The following PLBD1 variants were observed in gnomAD, a reference collection of about 807,000 sequenced individuals.
The protein encoded by PLBD1 is phospholipase B domain containing 1.
PLBD1 carries 60 observed loss-of-function variants against 63.0 expected under a neutral mutation model. That is an observed-to-expected ratio of 0.95 (90% CI 0.77 to 1.18). The LOEUF is 1.18. Among genes scored for constraint, PLBD1 ranks in the 50% most tolerant of loss-of-function variants. The pLI, the probability that PLBD1 is intolerant of heterozygous loss-of-function variation, is 0.00. For synonymous variants in PLBD1, 262 were observed against 248.0 expected (o/e 1.06, Z -0.53); for missense variants, 598 against 677.9 (o/e 0.88, Z 1.31).
chr12:14,545,185 C>G (rs1051132582), intron 2 of PLBD1, among the ~76,000 whole-genome samples: 2 of 152,198 alleles, frequency 1.3e-5, no homozygotes, highest in African/African-American at 4.8e-5. Flanking sequence ...ACTGCCTCCC[C>G]ACCCCACACC....
intron 1 of PLBD1, 47 bp downstream of exon 1, chr12:14,567,535 C>G: frequency 6.9e-7 from 1 of 1,456,706 alleles, no homozygotes; most frequent in Non-Finnish European, 9.0e-7. Context: ...TAACAGGCTC[C>G]TAGGAGCCTC....
chr12:14,507,679 G>A (rs374970588), intron 8 of PLBD1, among the ~76,000 whole-genome samples: 17 of 152,268 alleles, frequency 1.1e-4, no homozygotes, highest in African/African-American at 4.1e-4. Flanking sequence ...CGTCAATGGG[G>A]AGGGAGAGGA....
In PLBD1 at chr12:14,507,130, T is replaced by A. The variant is rs1363169959; in HGVS notation, c.1187-12A>T. 3 of 1,578,860 alleles carry A rather than the reference T, an allele frequency of 1.9e-6. No homozygotes were observed. Among genetic ancestry groups the A allele is most frequent in the East Asian group, 4.5e-5 (2 of 44,284 alleles). On this transcript the variant is annotated splice_polypyrimidine_tract_variant and intron_variant, in intron 8 of 10. Transcript: ENST00000240617. ...GGAGGGCCAATATCCTGATTTGGAA[T>A]GGAAGGGAAGTAAGGGAGGGATTGA...
intron 4 of PLBD1, among the ~76,000 whole-genome samples, chr12:14,539,410 A>C (rs1004065990): frequency 6.6e-6 from 1 of 151,606 alleles, no homozygotes; most frequent in African/African-American, 2.4e-5. Flanking sequence ...TTTATCATCT[A>C]TATATAATAT....
At chr12:14,535,829 C>T in intron 5 of PLBD1, 26 bp from the exon 6 acceptor site, 1 of 1,608,622 alleles carries the variant, frequency 6.2e-7, no homozygotes, top group Non-Finnish European at 8.5e-7. Flanking sequence ...TAGTGGATTA[C>T]ACAGATGTAC....
At chr12:14,567,063 C>CG (rs1945793909) in intron 1 of PLBD1, among the ~76,000 whole-genome samples, 1 of 152,124 alleles carries the variant, frequency 6.6e-6, no homozygotes, top group Admixed American at 6.5e-5. Flanking sequence ...CCATTGCACT[C>CG]CAGCGTCGCC....
intron 2 of PLBD1, among the ~76,000 whole-genome samples, chr12:14,549,246 G>A (rs1055253869): frequency 3.3e-5 from 5 of 152,158 alleles, no homozygotes; most frequent in African/African-American, 1.2e-4. Flanking sequence ...CAGACATCTG[G>A]GGTCTATAAA....
chr12:14,565,048 G>A (rs544611621), intron 1 of PLBD1, among the ~76,000 whole-genome samples: 5 of 152,120 alleles, frequency 3.3e-5, no homozygotes, highest in South Asian at 2.1e-4. Flanking sequence ...AAAGATAAAC[G>A]CAACACCATA....
intron 3 of PLBD1, 43 bp downstream of exon 3, chr12:14,542,165 C>CTGTATTTAAAA (rs1462435412): frequency 8.0e-6 from 12 of 1,502,984 alleles, no homozygotes; most frequent in Non-Finnish European, 1.1e-5. Context: ...TTCAGTGCCT[C>CTGTATTTAAAA]CAACATTTAA....
chr12:14,548,457 C>CA (rs56119793), intron 2 of PLBD1, among the ~76,000 whole-genome samples: 93 of 68,364 alleles, frequency 1.4e-3, no homozygotes, highest in African/African-American at 3.0e-3. Context: ...ACTCCATCTC[C>CA]AAAAAAAAAA....
rs751220769 is a variant in PLBD1, at chr12:14,535,694, G to A, written c.809C>T (p.Thr270Ile). 1.2e-6 allele frequency: 2 copies of A among 1,614,008 alleles called. No individual in the cohort carries two copies. Among genetic ancestry groups the A allele is most frequent in the Non-Finnish European group, 1.7e-6 (2 of 1,179,908 alleles). Residue 270 changes from threonine (T) to isoleucine (I), a missense_variant, in exon 6 of 11, where the codon ACC becomes ATC. Transcript: ENST00000240617. ...GCTGAAAGAGAGGCGACTACTGCTGGTATCTTTATCTATGACGTTGAAGTC... is the reference window on the plus strand; with the variant it reads ...GCTGAAAGAGAGGCGACTACTGCTGATATCTTTATCTATGACGTTGAAGTC... Reference protein sequence around the residue: ...HWDFNVIDKDTSSSRLSFSSY... With the variant: ...HWDFNVIDKDISSSRLSFSSY...
At chr12:14,504,201 C>G (rs1000848855) in intron 10 of PLBD1, among the ~76,000 whole-genome samples, 2 of 152,100 alleles carry the variant, frequency 1.3e-5, no homozygotes, top group East Asian at 3.8e-4. Flanking sequence ...GTGGATGGGC[C>G]ACCACACCCA....
chr12:14,505,844 A>G (rs1945250368), intron 10 of PLBD1, among the ~76,000 whole-genome samples: 1 of 152,242 alleles, frequency 6.6e-6, no homozygotes, highest in Non-Finnish European at 1.5e-5. Flanking sequence ...CAAATAACTC[A>G]CTAAGTGCTG....
intron 6 of PLBD1, among the ~76,000 whole-genome samples, chr12:14,532,358 G>A (rs150930734): frequency 6.6e-6 from 1 of 152,178 alleles, no homozygotes; most frequent in African/African-American, 2.4e-5. Context: ...CTGCAGGGGT[G>A]AGGAGGCCAC....
chr12:14,509,241 A>G (rs1945277980), intron 8 of PLBD1, among the ~76,000 whole-genome samples: 2 of 152,184 alleles, frequency 1.3e-5, no homozygotes, highest in African/African-American at 2.4e-5. Flanking sequence ...AAAAAAATAC[A>G]GACAGATCAT....
rs1945296910 is a variant in PLBD1, at chr12:14,511,362, T to C, written c.1084A>G (p.Lys362Glu). The C allele has an allele frequency of 6.2e-7, 1 of 1,613,842 alleles. No individual in the cohort carries two copies. The highest frequency in any genetic ancestry group is 8.5e-7 in the Non-Finnish European group (1 of 1,179,824). The change falls in exon 8 of 11, where the codon AAA becomes GAA. Residue 362 changes from lysine (K) to glutamate (E), a missense_variant. By Grantham distance (56) the Lys-to-Glu change is moderately conservative. Transcript: ENST00000240617. ...NNQYMVLDLK[K>E]VKLNHSLDKG... ...TCAAGACTGTGGTTCAGCTTTACTT[T>C]CTTCAGGTCCAGAACCATGTATTGA...
At chr12:14,506,820 A>G (rs1945259576) in intron 9 of PLBD1, 113 bp downstream of exon 9, 2 of 917,230 alleles carry the variant, frequency 2.2e-6, no homozygotes, top group Non-Finnish European at 3.2e-6. Context: ...TAAATACTTA[A>G]ATAACTTCTT....
In PLBD1 at chr12:14,503,679, A is replaced by ATATTT; in HGVS notation, c.*88_*92dup. 1 of 1,230,884 alleles carries ATATTT rather than the reference A, an allele frequency of 8.1e-7. No homozygotes were observed. The allele number at this position is 1,230,884 out of a possible 1,614,324, so 76.2% of individuals were successfully genotyped here. On this transcript the variant is annotated 3_prime_UTR_variant, in exon 11 of 11. Coordinates refer to ENST00000240617, the MANE Select transcript of PLBD1 (RefSeq NM_024829.6). Reference sequence around the variant, plus strand: ...TGGGAAATGAAAGTGACAAATTAATATATTTTATTGCATAATTCTGATGGG... The same window carrying ATATTT: ...TGGGAAATGAAAGTGACAAATTAATATATTTTATTTTATTGCATAATTCTGATGGG...
chr12:14,535,883 G>A, intron 5 of PLBD1, 80 bp from the exon 6 acceptor site: 1 of 1,434,420 alleles, frequency 7.0e-7, no homozygotes, highest in Non-Finnish European at 9.6e-7. Context: ...GAGGCATACA[G>A]GGATTGTGCC....
Sources: allele counts gnomAD v4.1 joint callset (sites outside exome capture counted in the v4.1 genomes callset), GRCh38; gene constraint gnomAD v4.1.1; transcripts MANE v1.5; gene names NCBI Gene and HGNC (gene_info 2026-07-23, HGNC 2026-07-21).